CUEDC1: variants seen among roughly 807,000 people sequenced by gnomAD.
CUEDC1 encodes the protein CUE domain-containing protein 1.
CUEDC1 carries 30 observed loss-of-function variants against 43.7 expected under a neutral mutation model. That is an observed-to-expected ratio of 0.69 (90% CI 0.51 to 0.93). The LOEUF (loss-of-function observed/expected upper bound fraction) is 0.93. Ranked by LOEUF, CUEDC1 falls within the 40% of genes least tolerant of loss-of-function variation. CUEDC1 has a pLI of 0.00. For synonymous variants in CUEDC1, 223 were observed against 223.6 expected (o/e 1.00, Z 0.02); for missense variants, 486 against 549.0 (o/e 0.89, Z 1.15).
At chr17:57,909,910 C>G (rs1012523985) in intron 1 of CUEDC1, among the ~76,000 whole-genome samples, 2 of 152,192 alleles carry the variant, frequency 1.3e-5, no homozygotes, top group African/African-American at 4.8e-5. Flanking sequence ...CAAAGAGAAC[C>G]CAACGGTCAG....
At position 57,954,978 on chromosome 17, in the gene CUEDC1, G is replaced by A. The variant is rs2075042850; in HGVS notation, c.-316+247C>T. Among the ~76,000 whole-genome samples the A allele has an allele frequency of 3.3e-5, 5 of 151,628 alleles. No individual in the cohort carries two copies. Among genetic ancestry groups the A allele is most frequent in the African/African-American group, 1.2e-4 (5 of 41,372 alleles). ...CGCACGCCCCCCGCGCCCGGGGCCC[G>A]GGATGAGGTGGGGGCTCGGGAAGGA... On this transcript the variant is annotated intron_variant, in intron 1 of 10. Transcript: ENST00000577830. The surrounding 1 kb of genome is among the most constrained non-coding windows in gnomAD (Gnocchi z 4.3).
intron 1 of CUEDC1, among the ~76,000 whole-genome samples, chr17:57,898,122 G>A (rs1320403528): frequency 6.6e-6 from 1 of 152,222 alleles, no homozygotes; most frequent in African/African-American, 2.4e-5. Context: ...AATCCTTCCT[G>A]CTCTGATCAT....
intron 1 of CUEDC1, among the ~76,000 whole-genome samples, chr17:57,943,473 T>C (rs1456131286): frequency 3.3e-5 from 5 of 152,182 alleles, no homozygotes; most frequent in South Asian, 2.1e-4. Context: ...ATTCCCCATA[T>C]GCATTTAATA....
chr17:57,880,009 A>G (rs1322583617), intron 2 of CUEDC1, among the ~76,000 whole-genome samples: 1 of 152,152 alleles, frequency 6.6e-6, no homozygotes, highest in East Asian at 1.9e-4. Flanking sequence ...TTCTCCCTCC[A>G]TGTGCAGTTC....
At chr17:57,874,534 A>G (rs938768241) in intron 3 of CUEDC1, among the ~76,000 whole-genome samples, 1 of 152,136 alleles carries the variant, frequency 6.6e-6, no homozygotes, top group Non-Finnish European at 1.5e-5. Flanking sequence ...GGGGTGGCAC[A>G]CACCCTCCCT....
At chr17:57,896,487 G>GGTGTGTGTGT (rs1555660568) in intron 1 of CUEDC1, among the ~76,000 whole-genome samples, 1 of 130,282 alleles carries the variant, frequency 7.7e-6, no homozygotes, top group South Asian at 2.5e-4. Flanking sequence ...TGCATTATGG[G>GGTGTGTGTGT]GTGTGTGTGT....
At chr17:57,945,436 C>T (rs1055460384) in intron 1 of CUEDC1, among the ~76,000 whole-genome samples, 1 of 152,334 alleles carries the variant, frequency 6.6e-6, no homozygotes, top group Admixed American at 6.5e-5. Context: ...AAGCCCATTT[C>T]TTCTAGCTGT....
chr17:57,937,026 G>A (rs942367009), intron 1 of CUEDC1, among the ~76,000 whole-genome samples: 3 of 151,692 alleles, frequency 2.0e-5, no homozygotes, highest in East Asian at 3.9e-4. Context: ...TCACCATGTT[G>A]GCCAGGATGG....
At chr17:57,889,790 G>A (rs2144978468) in intron 1 of CUEDC1, among the ~76,000 whole-genome samples, 1 of 152,314 alleles carries the variant, frequency 6.6e-6, no homozygotes, top group East Asian at 1.9e-4. Context: ...GAGACTCCCA[G>A]GCTGCCTATA....
intron 1 of CUEDC1, among the ~76,000 whole-genome samples, chr17:57,910,588 C>A (rs2074572251): frequency 6.7e-6 from 1 of 149,606 alleles, no homozygotes; most frequent in African/African-American, 2.5e-5. Flanking sequence ...ATGGTGAGAT[C>A]CTGTCTCTTA....
intron 1 of CUEDC1, among the ~76,000 whole-genome samples, chr17:57,929,903 G>A (rs887444982): frequency 2.6e-5 from 4 of 152,154 alleles, no homozygotes; most frequent in African/African-American, 9.7e-5. Context: ...CCAGGTTCAA[G>A]CAATTCTCCT....
intron 1 of CUEDC1, among the ~76,000 whole-genome samples, chr17:57,944,298 C>G (rs887306877): frequency 1.3e-4 from 20 of 150,820 alleles, no homozygotes; most frequent in Admixed American, 1.3e-4. Context: ...GCAACCTCTG[C>G]CTCCCAGGTT....
At chr17:57,915,515 A>T (rs1038586458) in intron 1 of CUEDC1, among the ~76,000 whole-genome samples, 4 of 152,180 alleles carry the variant, frequency 2.6e-5, no homozygotes, top group Non-Finnish European at 5.9e-5. Flanking sequence ...GAGTTTGCCA[A>T]TGTCATCAAT....
chr17:57,896,312 C>A (rs1188785481), intron 1 of CUEDC1, among the ~76,000 whole-genome samples: 1 of 152,134 alleles, frequency 6.6e-6, no homozygotes, highest in East Asian at 1.9e-4. Flanking sequence ...CAAGTCTACC[C>A]GTAGCAGGCT....
intron 3 of CUEDC1, among the ~76,000 whole-genome samples, chr17:57,875,696 G>T (rs570490505): frequency 6.6e-6 from 1 of 152,086 alleles, no homozygotes; most frequent in African/African-American, 2.4e-5. Context: ...AGGACAGACT[G>T]GGGGAGGGGA....
At chr17:57,923,908 A>G (rs2074720417) in intron 1 of CUEDC1, among the ~76,000 whole-genome samples, 1 of 152,242 alleles carries the variant, frequency 6.6e-6, no homozygotes, top group East Asian at 1.9e-4. Context: ...GGCTCGATGG[A>G]TAAGTAACAA....
chr17:57,863,657 G>A (rs1196985274), intron 10 of CUEDC1, among the ~76,000 whole-genome samples: 2 of 152,086 alleles, frequency 1.3e-5, no homozygotes, highest in African/African-American at 2.4e-5. Context: ...AGTAAACTGG[G>A]GGCAGAACTT....
intron 1 of CUEDC1, among the ~76,000 whole-genome samples, chr17:57,924,380 AG>A (rs1214584996): frequency 1.3e-5 from 2 of 152,188 alleles, no homozygotes; most frequent in Non-Finnish European, 2.9e-5. Flanking sequence ...CTGGGATTAT[AG>A]GCGTGAGCCA....
chr17:57,927,479 C>A (rs1393464657), intron 1 of CUEDC1, among the ~76,000 whole-genome samples: 3 of 152,130 alleles, frequency 2.0e-5, no homozygotes, highest in African/African-American at 4.8e-5. Context: ...CCTGCCCACA[C>A]CCTCTGGGTT....
Sources: gnomAD v4.1 joint callset for allele counts (sites outside exome capture counted in the v4.1 genomes callset) on GRCh38, gnomAD v4.1.1 for gene constraint, Gnocchi (gnomAD v3.1) non-coding constraint, MANE v1.5 for transcripts, NCBI Gene and HGNC (gene_info 2026-07-23, HGNC 2026-07-21) for gene names.